KCNMB4: variants seen among roughly 807,000 people sequenced by gnomAD.
KCNMB4 encodes potassium calcium-activated channel subfamily M regulatory beta subunit 4.
Under a neutral mutation model 20.7 loss-of-function variants are expected in KCNMB4, and 3 were observed. The ratio of observed to expected loss-of-function variants is 0.14; its 90% CI spans 0.07 to 0.37. The LOEUF (loss-of-function observed/expected upper bound fraction) is 0.37, where lower values mean the gene tolerates loss of function less well. KCNMB4 is among the 10% of genes least tolerant of loss of function. The pLI, the probability that KCNMB4 is intolerant of heterozygous loss-of-function variation, is 1.00. For synonymous variants in KCNMB4, 110 were observed against 113.4 expected, an observed-to-expected ratio of 0.97 and a Z score of 0.19; for missense variants, 168 against 265.9, an observed-to-expected ratio of 0.63 and a Z score of 2.56.
At chr12:70,413,465 G>C (rs1037045385) in intron 2 of KCNMB4, among the ~76,000 whole-genome samples, 6 of 151,998 alleles carry the variant, frequency 3.9e-5, no homozygotes, top group Non-Finnish European at 8.8e-5. Flanking sequence ...GGGCAGGGCT[G>C]TGCGTCAGGA....
intron 2 of KCNMB4, among the ~76,000 whole-genome samples, chr12:70,415,183 G>A (rs1451221449): frequency 6.6e-6 from 1 of 152,160 alleles, no homozygotes; most frequent in Non-Finnish European, 1.5e-5. Context: ...TTATACATGA[G>A]GGAACTGGAA....
chr12:70,386,117 T>C (rs1466106648), intron 1 of KCNMB4, among the ~76,000 whole-genome samples: 1 of 152,196 alleles, frequency 6.6e-6, no homozygotes, highest in Non-Finnish European at 1.5e-5. Flanking sequence ...AAATTAGTAA[T>C]CTCAGTGATG....
intron 2 of KCNMB4, among the ~76,000 whole-genome samples, chr12:70,408,159 A>G (rs1211781619): frequency 6.6e-6 from 1 of 152,014 alleles, no homozygotes; most frequent in African/African-American, 2.4e-5. Context: ...AGCAGCACTC[A>G]AGACAGGATT....
chr12:70,374,313 A>G (rs1317175967), intron 1 of KCNMB4, among the ~76,000 whole-genome samples: 1 of 152,310 alleles, frequency 6.6e-6, no homozygotes, highest in African/African-American at 2.4e-5. Context: ...GAAGATGTCA[A>G]GTTTTATTTC....
At chr12:70,406,958 C>T (rs182951087) in intron 2 of KCNMB4, among the ~76,000 whole-genome samples, 1 of 152,182 alleles carries the variant, frequency 6.6e-6, no homozygotes, top group East Asian at 1.9e-4. Flanking sequence ...ATTTCCACAC[C>T]AAGCAGTTCA....
chr12:70,372,729 A>G (rs1414563539), intron 1 of KCNMB4, among the ~76,000 whole-genome samples: 1 of 152,220 alleles, frequency 6.6e-6, no homozygotes, highest in Non-Finnish European at 1.5e-5. Flanking sequence ...TCTGTCCTCA[A>G]GGAAATTATT....
At chr12:70,398,217 G>T (rs1868374282) in intron 1 of KCNMB4, among the ~76,000 whole-genome samples, 1 of 152,082 alleles carries the variant, frequency 6.6e-6, no homozygotes, top group South Asian at 2.1e-4. Flanking sequence ...GAAAAATACT[G>T]TGACAGTGTT....
intron 2 of KCNMB4, among the ~76,000 whole-genome samples, chr12:70,420,148 G>C (rs900533880): frequency 6.6e-6 from 1 of 152,136 alleles, no homozygotes; most frequent in African/African-American, 2.4e-5. Context: ...ATGACTAACT[G>C]GGAAAGGGGA....
intron 2 of KCNMB4, among the ~76,000 whole-genome samples, chr12:70,413,679 C>G (rs938941110): frequency 3.3e-5 from 5 of 152,096 alleles, no homozygotes; most frequent in Admixed American, 3.3e-4. Context: ...TGCTGCAACC[C>G]AAAATGAATC....
At chr12:70,414,951 C>A (rs1295419230) in intron 2 of KCNMB4, among the ~76,000 whole-genome samples, 2 of 152,082 alleles carry the variant, frequency 1.3e-5, no homozygotes, top group Admixed American at 1.3e-4. Context: ...AATTGTAAGT[C>A]AAAATGGCTT....
intron 1 of KCNMB4, among the ~76,000 whole-genome samples, chr12:70,398,630 A>G (rs1031579850): frequency 2.2e-4 from 34 of 152,120 alleles, no homozygotes; most frequent in Non-Finnish European, 4.4e-5. Flanking sequence ...TATAATGTCT[A>G]TATTTTTTAA....
chr12:70,412,549 T>A (rs1868808437), intron 2 of KCNMB4, among the ~76,000 whole-genome samples: 1 of 152,236 alleles, frequency 6.6e-6, no homozygotes, highest in Admixed American at 6.5e-5. Flanking sequence ...AAAAACAGAT[T>A]GAGCTCTAAA....
chr12:70,367,768 C>T lies in KCNMB4; in HGVS notation c.336+698C>T, dbSNP rs138359156. On this transcript the variant is annotated intron_variant, in intron 1 of 2. Coordinates refer to ENST00000258111, the MANE Select transcript of KCNMB4 (RefSeq NM_014505.6). ...GGACAGTCAGGAGTCGTCTGGAGAA[C>T]AGTAAAACTTGCTGAAAATAGAAAA... 7.9e-5 allele frequency among the ~76,000 whole-genome samples: 12 copies of T among 151,312 alleles called. No individual in the cohort carries two copies. The East Asian group carries it at 2.3e-3, about 30-fold the overall frequency.
intron 1 of KCNMB4, among the ~76,000 whole-genome samples, chr12:70,387,153 A>G (rs1246131210): frequency 6.6e-6 from 1 of 151,296 alleles, no homozygotes; most frequent in Non-Finnish European, 1.5e-5. Context: ...TTAAGCTTTT[A>G]TCATATATTT....
At chr12:70,392,222 A>G (rs2136125340) in intron 1 of KCNMB4, among the ~76,000 whole-genome samples, 1 of 152,372 alleles carries the variant, frequency 6.6e-6, no homozygotes, top group Middle Eastern at 3.4e-3. Flanking sequence ...TTTCAGTGTC[A>G]TAAGAGTATT....
intron 2 of KCNMB4, among the ~76,000 whole-genome samples, chr12:70,427,693 T>C (rs1433656699): frequency 6.6e-6 from 1 of 152,238 alleles, no homozygotes; most frequent in Non-Finnish European, 1.5e-5. Context: ...TTTCCAGTTA[T>C]TATTTTTCTC....
rs1482315555 is a variant in KCNMB4 at position 70,431,724 on chromosome 12, T to C, written c.*1071T>C. On this transcript the variant is annotated 3_prime_UTR_variant, in exon 3 of 3. Coordinates refer to ENST00000258111, the MANE Select transcript of KCNMB4 (RefSeq NM_014505.6). ...AAAAGTTGATTGAGAAGACCATATT[T>C]CTTTGTATCTTTTTATAAACTCAAA... The C allele has an allele frequency of 1.3e-5, 2 of 152,162 alleles. No individual in the cohort carries two copies. Among genetic ancestry groups the C allele is most frequent in the Non-Finnish European group, 2.9e-5 (2 of 68,018 alleles). 9.4% of individuals were successfully genotyped at this position (152,162 alleles called of 1,614,324 possible). A position where few individuals can be genotyped will look rare whatever the true frequency, so the allele number is the denominator to read the frequency against.
chr12:70,430,412 T>G, intron 2 of KCNMB4, 73 bp from the exon 3 acceptor site: 2 of 1,518,840 alleles, frequency 1.3e-6, no homozygotes, highest in Non-Finnish European at 1.8e-6. Context: ...AAGTTTGGCT[T>G]TAGGTTGTAA....
At chr12:70,382,498 AT>A (rs1315534463) in intron 1 of KCNMB4, among the ~76,000 whole-genome samples, 1 of 151,746 alleles carries the variant, frequency 6.6e-6, no homozygotes, top group Non-Finnish European at 1.5e-5. Context: ...ACTAAATAAA[AT>A]TTGGGTAAAT....
Sources: allele counts gnomAD v4.1 joint callset (sites outside exome capture counted in the v4.1 genomes callset), GRCh38; gene constraint gnomAD v4.1.1; transcripts MANE v1.5; gene names NCBI Gene and HGNC (gene_info 2026-07-23, HGNC 2026-07-21).